AKNAD1: variants seen among roughly 807,000 people sequenced by gnomAD.
AKNAD1 encodes AKNA domain containing 1.
Under a neutral mutation model 90.8 loss-of-function variants are expected in AKNAD1, and 67 were observed. The observed-to-expected ratio is 0.74, with a 90% CI of 0.61 to 0.90. The LOEUF (loss-of-function observed/expected upper bound fraction) is 0.90, where lower values mean the gene tolerates loss of function less well. Among genes scored for constraint, AKNAD1 ranks in the 40% least tolerant of loss-of-function variants. The probability of loss-of-function intolerance (pLI) is 0.00; values close to 1 mark genes in which losing one functional copy is unlikely to be tolerated. For missense variants in AKNAD1, 957 were observed against 975.4 expected, an observed-to-expected ratio of 0.98 and a Z score of 0.25; for synonymous variants, 327 against 341.4, an observed-to-expected ratio of 0.96 and a Z score of 0.46.
intron 1 of AKNAD1, among the ~76,000 whole-genome samples, chr1:108,853,286 C>G (rs1306303373): frequency 6.6e-6 from 1 of 152,018 alleles, no homozygotes; most frequent in Non-Finnish European, 1.5e-5. Flanking sequence ...TGCCCGCCAC[C>G]ACGCCCAGCT....
At chr1:108,828,594 G>T (rs1035768938) in intron 10 of AKNAD1, among the ~76,000 whole-genome samples, 2 of 151,868 alleles carry the variant, frequency 1.3e-5, no homozygotes, top group African/African-American at 4.8e-5. Flanking sequence ...TGCTCGCCGC[G>T]CTGTGCCCTG....
At chr1:108,858,189 A>G (rs1665100601), upstream of AKNAD1, 1 of 152,726 alleles carries the variant, frequency 6.5e-6, no homozygotes, top group African/African-American at 2.4e-5. Context: ...ATAACAGAAC[A>G]AAAACGGAGC....
intron 9 of AKNAD1, among the ~76,000 whole-genome samples, chr1:108,831,448 T>C (rs573103277): frequency 6.6e-6 from 1 of 152,338 alleles, no homozygotes; most frequent in East Asian, 1.9e-4. Context: ...GTTGTACAGA[T>C]TTCACAGCCA....
At position 108,852,094 on chromosome 1, in the gene AKNAD1, C is replaced by G. The variant is rs1664882328; in HGVS notation, c.571G>C (p.Glu191Gln). ...CCTTCTAAATCAGAGGTATTTTCCT[C>G]TGTCGTGGTGGCAGAACCAGGCTTA... ...SNKPGSATTT[E>Q]ENTSDLEGPV... Residue 191 changes from glutamate (E) to glutamine (Q), a missense_variant, in exon 2 of 16, where the codon GAG (glutamate) becomes CAG (glutamine). Coordinates refer to ENST00000370001, the MANE Select transcript of AKNAD1 (RefSeq NM_152763.5). 1 of 1,614,190 alleles carries G rather than the reference C, an allele frequency of 6.2e-7. No individual in the cohort carries two copies. Among genetic ancestry groups the G allele is most frequent in the South Asian group, 1.1e-5 (1 of 91,086 alleles).
chr1:108,822,449 T>G (rs1271358117), intron 13 of AKNAD1, among the ~76,000 whole-genome samples: 1 of 152,150 alleles, frequency 6.6e-6, no homozygotes, highest in Non-Finnish European at 1.5e-5. Flanking sequence ...AAGGAGATAG[T>G]GAAGAAATCT....
intron 11 of AKNAD1, among the ~76,000 whole-genome samples, chr1:108,824,393 T>C (rs890754886): frequency 5.3e-5 from 8 of 151,964 alleles, no homozygotes; most frequent in Admixed American, 5.3e-4. Context: ...CTTGCCTTAC[T>C]GAACTCATGG....
intron 6 of AKNAD1, among the ~76,000 whole-genome samples, chr1:108,840,835 G>A (rs993152453): frequency 2.8e-4 from 42 of 152,092 alleles, no homozygotes; most frequent in African/African-American, 1.0e-3. Context: ...GATCTTGCAG[G>A]CAGAAGAGAA....
At chr1:108,818,961 C>G (rs1279588726) in intron 14 of AKNAD1, among the ~76,000 whole-genome samples, 4 of 66,506 alleles carry the variant, frequency 6.0e-5, no homozygotes, top group Non-Finnish European at 1.1e-4. Context: ...GAAACTCCAT[C>G]TCAAAAAAAA....
At chr1:108,831,077 G>A (rs1397792977) in intron 9 of AKNAD1, among the ~76,000 whole-genome samples, 17 of 152,120 alleles carry the variant, frequency 1.1e-4, no homozygotes, top group Admixed American at 1.0e-3. Context: ...TAATCTGACC[G>A]CTGGCTAGTA....
At chr1:108,826,547 A>T (rs1663999803) in intron 11 of AKNAD1, among the ~76,000 whole-genome samples, 1 of 151,518 alleles carries the variant, frequency 6.6e-6, no homozygotes, top group South Asian at 2.1e-4. Flanking sequence ...AGCAGCAGCA[A>T]TTCTCACGTA....
chr1:108,826,561 A>T (rs1323286507), intron 11 of AKNAD1, among the ~76,000 whole-genome samples: 1 of 151,646 alleles, frequency 6.6e-6, no homozygotes, highest in Non-Finnish European at 1.5e-5. Flanking sequence ...TCACGTAGCC[A>T]GTAACCTTAC....
At chr1:108,856,209 G>C (rs574378213) in intron 1 of AKNAD1, among the ~76,000 whole-genome samples, 1 of 152,036 alleles carries the variant, frequency 6.6e-6, no homozygotes, top group Non-Finnish European at 1.5e-5. Flanking sequence ...ACAAATTCTA[G>C]TTTTGCAAGA....
chr1:108,848,488 C>A (rs1397767505), intron 5 of AKNAD1, among the ~76,000 whole-genome samples: 4 of 152,114 alleles, frequency 2.6e-5, no homozygotes, highest in Admixed American at 1.3e-4. Context: ...TCTTGAACCT[C>A]CCGTGGTGTC....
At chr1:108,851,647 G>A (rs763219115) in intron 2 of AKNAD1, 25 bp downstream of exon 2, 1 of 1,552,290 alleles carries the variant, frequency 6.4e-7, no homozygotes, top group Admixed American at 2.0e-5. Context: ...CAATTAATGT[G>A]TTTACAGGAG....
At chr1:108,820,239 G>A (rs1663769031) in intron 14 of AKNAD1, among the ~76,000 whole-genome samples, 1 of 152,152 alleles carries the variant, frequency 6.6e-6, no homozygotes, top group Non-Finnish European at 1.5e-5. Context: ...TAGATCAATG[G>A]GACTTTGTAC....
intron 11 of AKNAD1, among the ~76,000 whole-genome samples, chr1:108,826,326 G>C (rs1360342369): frequency 6.6e-6 from 1 of 151,674 alleles, no homozygotes; most frequent in African/African-American, 2.4e-5. Flanking sequence ...TGGGTAGGTA[G>C]GTTAGGCTCA....
chr1:108,847,054 G>A lies in AKNAD1; in HGVS notation c.1245+1698C>T, dbSNP rs183771384. ...ATCTCCAGCCTCATTGCCAGCCTTC[G>A]TTCAGGCCCTCCTGACTTGTTACCT... is the stretch of plus-strand genomic sequence containing the variant. On this transcript the variant is annotated intron_variant, in intron 5 of 15. Coordinates refer to ENST00000370001, the MANE Select transcript of AKNAD1 (RefSeq NM_152763.5). Among the ~76,000 whole-genome samples the A allele has an allele frequency of 2.5e-3, 379 of 151,998 alleles. 2 individuals carry two copies. Among genetic ancestry groups the A allele is most frequent in the Non-Finnish European group, 4.9e-3 (333 of 67,976 alleles).
rs1252815057 is a variant in AKNAD1 at position 108,830,464 on chromosome 1, G to A, written c.1838+95C>T. Reference sequence around the variant, plus strand: ...GATCTGTGACTCTATAACTCAGCCAGTGGCCTCAGTTAGTTGCCGCCCACT... The same window carrying A: ...GATCTGTGACTCTATAACTCAGCCAATGGCCTCAGTTAGTTGCCGCCCACT... On this transcript the variant is annotated intron_variant, in intron 10 of 15. Transcript: ENST00000370001. 6.9e-6 allele frequency: 8 copies of A among 1,162,756 alleles called. No homozygotes were observed. In the South Asian group the frequency reaches 1.1e-4, roughly 15 times the overall value. 72.0% of individuals were successfully genotyped at this position (1,162,756 alleles called of 1,614,324 possible).
chr1:108,822,395 G>A (rs1030257676), intron 13 of AKNAD1, among the ~76,000 whole-genome samples: 7 of 152,156 alleles, frequency 4.6e-5, no homozygotes, highest in East Asian at 1.9e-4. Context: ...GCCCTCGTTC[G>A]TATACTGGCA....
Sources: allele counts gnomAD v4.1 joint callset (sites outside exome capture counted in the v4.1 genomes callset), GRCh38; gene constraint gnomAD v4.1.1; transcripts MANE v1.5; gene names NCBI Gene and HGNC (gene_info 2026-07-23, HGNC 2026-07-21).